Variants in GRID1 observed in about 807,000 individuals in gnomAD.
GRID1 encodes the protein glutamate receptor ionotropic, delta-1.
A neutral mutation model predicts 98.0 loss-of-function variants in GRID1; 28 were observed. The observed-to-expected ratio is 0.29, with a 90% CI of 0.21 to 0.39. GRID1 has a LOEUF of 0.39. Ranked by LOEUF, GRID1 falls within the 10% of genes least tolerant of loss-of-function variation. GRID1 has a pLI of 1.00. For missense variants in GRID1, 1,111 were observed against 1,340.5 expected (o/e 0.83, Z 2.67); for synonymous variants, 553 against 538.5 (o/e 1.03, Z -0.37).
chr10:85,966,533 G>C (rs1310018982), intron 4 of GRID1, among the ~76,000 whole-genome samples: 1 of 152,166 alleles, frequency 6.6e-6, no homozygotes, highest in Non-Finnish European at 1.5e-5. Context: ...GAGATATCTG[G>C]CCAGATACGG....
At chr10:86,255,035 C>G (rs1422499076) in intron 2 of GRID1, among the ~76,000 whole-genome samples, 2 of 152,182 alleles carry the variant, frequency 1.3e-5, no homozygotes, top group Non-Finnish European at 2.9e-5. Flanking sequence ...CAGGCCTGCC[C>G]TTGGTCATAG....
intron 2 of GRID1, among the ~76,000 whole-genome samples, chr10:86,269,605 C>T (rs549299610): frequency 5.9e-5 from 9 of 152,358 alleles, no homozygotes; most frequent in East Asian, 1.9e-4. Flanking sequence ...TCTTGCCTCT[C>T]CTGGTTCTCA....
intron 4 of GRID1, among the ~76,000 whole-genome samples, chr10:85,921,899 A>C (rs1245990679): frequency 6.6e-6 from 1 of 152,146 alleles, no homozygotes; most frequent in African/African-American, 2.4e-5. Context: ...CTTCAATACA[A>C]CATCTCCTCT....
intron 4 of GRID1, among the ~76,000 whole-genome samples, chr10:85,982,970 A>C (rs971322823): frequency 6.6e-6 from 1 of 152,196 alleles, no homozygotes; most frequent in African/African-American, 2.4e-5. Flanking sequence ...GCTCCCTAAA[A>C]ACACTTTAGA....
chr10:85,983,408 G>A (rs561517232), intron 4 of GRID1, among the ~76,000 whole-genome samples: 1 of 152,330 alleles, frequency 6.6e-6, no homozygotes, highest in East Asian at 1.9e-4. Flanking sequence ...CCCCAGCCTT[G>A]AGCAGGCTCC....
chr10:85,616,925 C>A (rs1842796290), intron 14 of GRID1, among the ~76,000 whole-genome samples: 2 of 152,106 alleles, frequency 1.3e-5, no homozygotes, highest in South Asian at 4.2e-4. Context: ...TTATTGAATG[C>A]CCCAACTGCA....
At chr10:86,345,339 A>G (rs960807379) in intron 2 of GRID1, among the ~76,000 whole-genome samples, 1 of 152,118 alleles carries the variant, frequency 6.6e-6, no homozygotes, top group Non-Finnish European at 1.5e-5. Context: ...GAAAAGAGAG[A>G]GGCCTGGGTC....
At chr10:85,804,991 A>G (rs7910284) in intron 8 of GRID1, among the ~76,000 whole-genome samples, 58,537 of 151,348 alleles carry the variant, frequency 0.39, 13,385 homozygotes, top group African/African-American at 0.64. Flanking sequence ...AAAAAAGAGG[A>G]TGGGAGGAGA....
In GRID1 at chr10:85,662,378, C is replaced by T. The variant is rs148077269; in HGVS notation, c.1998-14981G>A. Among the ~76,000 whole-genome samples, 30 of 152,266 alleles carry T rather than the reference C, an allele frequency of 2.0e-4. No homozygotes were observed. The East Asian group carries it at 5.6e-3, about 28-fold the overall frequency. On this transcript the variant is annotated intron_variant, in intron 12 of 15. Coordinates refer to ENST00000327946, the MANE Select transcript of GRID1 (RefSeq NM_017551.3). ...CCAGAGGGTGCTTGGCTTGAGGAGA[C>T]CCCCAGGTAGGAGAGGGCTCCAACG... is the stretch of plus-strand genomic sequence containing the variant.
intron 4 of GRID1, among the ~76,000 whole-genome samples, chr10:85,930,413 T>C (rs964853302): frequency 2.0e-5 from 3 of 150,680 alleles, no homozygotes; most frequent in Non-Finnish European, 4.4e-5. Flanking sequence ...ATTATATTTA[T>C]AATATAATGT....
intron 4 of GRID1, among the ~76,000 whole-genome samples, chr10:86,041,996 G>A (rs560255808): frequency 1.3e-5 from 2 of 152,068 alleles, no homozygotes; most frequent in African/African-American, 4.8e-5. Context: ...TTTATTTAAG[G>A]GGACCAATCA....
At chr10:85,938,492 T>C (rs936560483) in intron 4 of GRID1, among the ~76,000 whole-genome samples, 27 of 152,204 alleles carry the variant, frequency 1.8e-4, no homozygotes, top group African/African-American at 6.0e-4. Context: ...TTTACATGGC[T>C]TGTCTCCCGT....
At chr10:85,667,321 A>G (rs929986254) in intron 12 of GRID1, among the ~76,000 whole-genome samples, 2 of 142,198 alleles carry the variant, frequency 1.4e-5, no homozygotes, top group African/African-American at 6.0e-5. Context: ...ACACACAGAG[A>G]GAGAGAGAGA....
At chr10:86,004,702 A>C (rs1053749149) in intron 4 of GRID1, among the ~76,000 whole-genome samples, 6 of 145,610 alleles carry the variant, frequency 4.1e-5, no homozygotes, top group East Asian at 2.0e-4. Context: ...AAATCTCTCT[A>C]TCTCTCTCTG....
intron 2 of GRID1, among the ~76,000 whole-genome samples, chr10:86,336,194 TAAG>T (rs890536894): frequency 7.2e-5 from 11 of 152,200 alleles, no homozygotes; most frequent in African/African-American, 2.7e-4. Context: ...GTGTTGTGTC[TAAG>T]AAGGAGATTG....
chr10:86,171,973 T>C (rs1349236363), intron 3 of GRID1, among the ~76,000 whole-genome samples: 3 of 152,200 alleles, frequency 2.0e-5, no homozygotes, highest in Non-Finnish European at 4.4e-5. Flanking sequence ...ATGTGGTTGG[T>C]ATATTTTTTT....
chr10:85,903,424 T>C (rs1211964765), intron 5 of GRID1, among the ~76,000 whole-genome samples: 1 of 151,968 alleles, frequency 6.6e-6, no homozygotes, highest in Non-Finnish European at 1.5e-5. Flanking sequence ...CAACTACTTC[T>C]TACCTCCTCC....
chr10:85,968,945 A>C (rs1842373125), intron 4 of GRID1, among the ~76,000 whole-genome samples: 1 of 152,216 alleles, frequency 6.6e-6, no homozygotes, highest in Non-Finnish European at 1.5e-5. Flanking sequence ...TAATCTACAA[A>C]AAACACACTT....
chr10:86,348,319 T>C (rs1848416462), intron 2 of GRID1, among the ~76,000 whole-genome samples: 1 of 152,156 alleles, frequency 6.6e-6, no homozygotes, highest in Non-Finnish European at 1.5e-5. Flanking sequence ...ATACAATGAA[T>C]GGCATGACAG....
Sources: allele counts gnomAD v4.1 joint callset (sites outside exome capture counted in the v4.1 genomes callset), GRCh38; gene constraint gnomAD v4.1.1; transcripts MANE v1.5; gene names NCBI Gene and HGNC (gene_info 2026-07-23, HGNC 2026-07-21).